The following MYO7A variants were observed in gnomAD, a reference collection of about 807,000 sequenced individuals.
The protein encoded by MYO7A is unconventional myosin-VIIa.
In MYO7A, 210 loss-of-function variants were observed where a neutral mutation model predicts 263.8. That is an observed-to-expected ratio of 0.80 (90% CI 0.71 to 0.89). The LOEUF (loss-of-function observed/expected upper bound fraction) is 0.89, where lower values mean the gene tolerates loss of function less well. Among genes scored for constraint, MYO7A ranks in the 40% least tolerant of loss-of-function variants. The probability of loss-of-function intolerance (pLI) is 0.00; values close to 1 mark genes in which losing one functional copy is unlikely to be tolerated. For missense variants in MYO7A, 2,820 were observed against 2,968.3 expected (o/e 0.95, Z 1.16); for synonymous variants, 1,239 against 1,197.3 (o/e 1.03, Z -0.72).
Position 77,128,304 on chromosome 11 carries a change from C to G in MYO7A, c.-232C>G, listed in dbSNP as rs1335373859. On this transcript the variant is annotated 5_prime_UTR_variant, in exon 1 of 49. Transcript: ENST00000409709. ...GAGAGGGAGAGACAAGAGACACACA[C>G]AGAGAGACGGCGAGGAAGGGAAAGA... 2.0e-5 allele frequency: 3 copies of G among 152,650 alleles called. No homozygotes were observed. Among genetic ancestry groups the G allele is most frequent in the African/African-American group, 4.8e-5 (2 of 41,444 alleles). The allele number at this position is 152,650 out of a possible 1,614,324, so 9.5% of individuals were successfully genotyped here. A position where few individuals can be genotyped will look rare whatever the true frequency, so the allele number is the denominator to read the frequency against.
chr11:77,212,657 A>C, intron 46 of MYO7A: 1 of 489,272 alleles, frequency 2.0e-6, no homozygotes, highest in Non-Finnish European at 3.7e-6. Flanking sequence ...TGCGAGGAGA[A>C]CAGGTAGGTA....
intron 3 of MYO7A, among the ~76,000 whole-genome samples, chr11:77,144,597 C>T (rs1186238892): frequency 6.6e-6 from 1 of 151,988 alleles, no homozygotes; most frequent in Non-Finnish European, 1.5e-5. Flanking sequence ...GCCTTTCCCA[C>T]CCCCATTCCA....
chr11:77,198,019 T>G (rs1437276343), intron 33 of MYO7A, among the ~76,000 whole-genome samples: 1 of 152,202 alleles, frequency 6.6e-6, no homozygotes. Flanking sequence ...TGGCCCAGGG[T>G]TCAGACAGGG....
intron 32 of MYO7A, 49 bp downstream of exon 32, chr11:77,194,573 C>T (rs1353208485): frequency 2.6e-6 from 4 of 1,516,964 alleles, no homozygotes; most frequent in Non-Finnish European, 3.5e-6. Flanking sequence ...ACCTGAACAA[C>T]CAAGGAGGTC....
chr11:77,193,325 ATAG>A (rs766603566), intron 31 of MYO7A, among the ~76,000 whole-genome samples: 6 of 133,892 alleles, frequency 4.5e-5, no homozygotes, highest in Non-Finnish European at 9.3e-5. Context: ...GGTAGTGATG[ATAG>A]TGGTGATGGT....
intron 2 of MYO7A, among the ~76,000 whole-genome samples, chr11:77,130,908 A>G (rs1461642214): frequency 2.6e-5 from 4 of 152,218 alleles, no homozygotes; most frequent in Non-Finnish European, 2.9e-5. Flanking sequence ...GATCCCAGGC[A>G]GTGGAACAGC....
In MYO7A at chr11:77,192,182, G is replaced by A. The variant is rs1485682391; in HGVS notation, c.4056G>A (p.Thr1352=). Residue 1352 remains threonine (T), a synonymous_variant, in exon 31 of 49, where the codon ACG becomes ACA. Transcript: ENST00000409709. ...WRLFFRKEVF[T]PWHSPSEDNV... is the part of the protein sequence containing the mutation. Reference sequence around the variant, plus strand: ...TCTTCTTCCGCAAAGAGGTCTTCACGCCCTGGCACAGCCCCTCCGAGGACA... The same window carrying A: ...TCTTCTTCCGCAAAGAGGTCTTCACACCCTGGCACAGCCCCTCCGAGGACA... The A allele has an allele frequency of 3.1e-6, 5 of 1,613,922 alleles. No homozygotes were observed. The highest frequency in any genetic ancestry group is 4.2e-6 in the Non-Finnish European group (5 of 1,179,910).
rs1555103433 is a variant in MYO7A at position 77,203,088 on chromosome 11, G to A, written c.5197G>A (p.Val1733Ile). The A allele has an allele frequency of 1.9e-6, 3 of 1,548,636 alleles. No individual in the cohort carries two copies. The highest frequency in any genetic ancestry group is 2.4e-5 in the South Asian group (2 of 83,980). ...RPPPKHTLSRVMVSKARGKDR... is the reference protein window; with the variant it reads ...RPPPKHTLSRIMVSKARGKDR... ...CCCACCCAAGCACACGCTGAGCCGT[G>A]TCATGGTGTCCAAGGCCCGAGGCAA... The change falls in exon 38 of 49, where the codon GTC becomes ATC. Residue 1733 changes from valine to isoleucine, a missense_variant. By Grantham distance (29) the Val-to-Ile change is conservative. Coordinates refer to ENST00000409709, the MANE Select transcript of MYO7A (RefSeq NM_000260.4).
chr11:77,162,410 A>G, intron 13 of MYO7A, 80 bp downstream of exon 13: 1 of 1,351,186 alleles, frequency 7.4e-7, no homozygotes, highest in Non-Finnish European at 1.0e-6. Context: ...GGCTTTCCTC[A>G]TCTGCAAAAT....
intron 33 of MYO7A, among the ~76,000 whole-genome samples, chr11:77,197,990 T>A (rs1956790618): frequency 6.6e-6 from 1 of 152,218 alleles, no homozygotes; most frequent in Non-Finnish European, 1.5e-5. Flanking sequence ...TTAAGGCACA[T>A]ACTATGTATA....
intron 47 of MYO7A, 31 bp downstream of exon 47, chr11:77,213,066 G>A (rs557646994): frequency 3.7e-5 from 57 of 1,530,444 alleles, no homozygotes; most frequent in Admixed American, 1.9e-4. Flanking sequence ...AAGTGGGGGC[G>A]GGCTTCTCTG....
At position 77,214,640 on chromosome 11, in the gene MYO7A, A is replaced by C. The variant is rs749706085; in HGVS notation, c.6592A>C (p.Ile2198Leu). The C allele has an allele frequency of 6.3e-7, 1 of 1,589,442 alleles. No homozygotes were observed. The highest frequency in any genetic ancestry group is 8.6e-7 in the Non-Finnish European group (1 of 1,168,016). Residue 2198 changes from isoleucine to leucine, a missense_variant, in exon 49 of 49, where the codon ATT (isoleucine) becomes CTT (leucine). Coordinates refer to ENST00000409709, the MANE Select transcript of MYO7A (RefSeq NM_000260.4). ...YKMDDLLTSYISQMLTAMSKQ... is the reference protein window; with the variant it reads ...YKMDDLLTSYLSQMLTAMSKQ... The stretch of plus-strand genomic sequence containing the variant: ...GATGGATGACCTCCTGACTTCCTAC[A>C]TTAGCCAGATGCTCACAGCCATGAG...
At chr11:77,203,015 G>C in intron 37 of MYO7A, 45 bp from the exon 38 acceptor site, 1 of 1,538,626 alleles carries the variant, frequency 6.5e-7, no homozygotes. Context: ...TCTCCCCGGG[G>C]CTGCCAGCGA....
intron 13 of MYO7A, 115 bp downstream of exon 13, chr11:77,162,445 A>G (rs1395006628): frequency 9.5e-7 from 1 of 1,056,302 alleles, no homozygotes; most frequent in Non-Finnish European, 1.4e-6. Flanking sequence ...CCACCTCTCA[A>G]GTTGGCTCAG....
chr11:77,195,185 C>T (rs527593485), intron 32 of MYO7A, among the ~76,000 whole-genome samples: 1 of 152,252 alleles, frequency 6.6e-6, no homozygotes, highest in Non-Finnish European at 1.5e-5. Context: ...CCGTCCTCAC[C>T]CGGGAGCCCT....
At chr11:77,150,327 A>C (rs559729394) in intron 4 of MYO7A, among the ~76,000 whole-genome samples, 1 of 152,326 alleles carries the variant, frequency 6.6e-6, no homozygotes, top group South Asian at 2.1e-4. Flanking sequence ...GGTCAGCTGC[A>C]TCAAGGAACA....
chr11:77,212,819 G>A, intron 46 of MYO7A, 133 bp from the exon 47 acceptor site: 1 of 746,022 alleles, frequency 1.3e-6, no homozygotes, highest in East Asian at 2.7e-5. Context: ...ATAGGTCATG[G>A]CAGGGCCGTC....
At position 77,215,058 on chromosome 11, in the gene MYO7A, C is replaced by T. The variant is rs1318362538; in HGVS notation, c.*362C>T. On this transcript the variant is annotated 3_prime_UTR_variant, in exon 49 of 49. Coordinates refer to ENST00000409709, the MANE Select transcript of MYO7A (RefSeq NM_000260.4). Reference sequence around the variant, plus strand: ...CACTGGGATAGAGGAATCAAGAGGACAATCTAGCTCTCCATACTTTGAACA... The same window carrying T: ...CACTGGGATAGAGGAATCAAGAGGATAATCTAGCTCTCCATACTTTGAACA... 4.0e-6 allele frequency: 1 copy of T among 247,946 alleles called. No individual in the cohort carries two copies. Among genetic ancestry groups the T allele is most frequent in the African/African-American group, 2.2e-5 (1 of 45,082 alleles). The allele number at this position is 247,946 out of a possible 1,614,324, so 15.4% of individuals were successfully genotyped here.
At chr11:77,131,416 G>A (rs1451886847) in intron 2 of MYO7A, among the ~76,000 whole-genome samples, 4 of 151,994 alleles carry the variant, frequency 2.6e-5, no homozygotes, top group Non-Finnish European at 4.4e-5. Flanking sequence ...GTGCGTGCGC[G>A]TGTGTGTGTC....
Sources: gnomAD v4.1 joint callset for allele counts (sites outside exome capture counted in the v4.1 genomes callset) on GRCh38, gnomAD v4.1.1 for gene constraint, MANE v1.5 for transcripts, NCBI Gene and HGNC (gene_info 2026-07-23, HGNC 2026-07-21) for gene names.